The following MUC5AC variants were observed in gnomAD, a reference collection of about 807,000 sequenced individuals.
MUC5AC encodes the protein mucin 5AC, oligomeric mucus/gel-forming.
Under a neutral mutation model 169.7 loss-of-function variants are expected in MUC5AC, and 158 were observed. The observed-to-expected ratio is 0.93, with a 90% CI of 0.82 to 1.06. MUC5AC has a LOEUF of 1.06. Among genes scored for constraint, MUC5AC ranks in the 50% least tolerant of loss-of-function variants. MUC5AC has a pLI of 0.00. For missense variants in MUC5AC, 4,359 were observed against 3,089.9 expected (o/e 1.41, Z -9.74); for synonymous variants, 1,975 against 1,237.0 (o/e 1.60, Z -12.52).
Position 1,197,955 on chromosome 11 carries a change from C to G in MUC5AC, c.16086C>G (p.Arg5362=), listed in dbSNP as rs570022575. ...CCGTGGGCTGTCCTGAGGGCGCCCG[C>G]GCGATCCCGACCTACCAGGAGGGGG... ...PAPVGCPEGA[R]AIPTYQEGAC... The change falls in exon 42 of 49, where the codon CGC becomes CGG. Residue 5362 remains arginine, a synonymous_variant. Transcript: ENST00000621226. The G allele has an allele frequency of 2.2e-5, 16 of 736,998 alleles. No individual in the cohort carries two copies. The highest frequency in any genetic ancestry group is 5.8e-4 in the Middle Eastern group (2 of 3,424). The allele number at this position is 736,998 out of a possible 1,614,324, so 45.7% of individuals were successfully genotyped here. A position where few individuals can be genotyped will look rare whatever the true frequency, so the allele number is the denominator to read the frequency against.
At position 1,170,372 on chromosome 11, in the gene MUC5AC, C is replaced by T. The variant is rs1231498409; in HGVS notation, c.1870+1346C>T. On this transcript the variant is annotated intron_variant, in intron 15 of 48. Transcript: ENST00000621226. Reference sequence around the variant, plus strand: ...TTTGCCCACTCACTCACCTCACTCACGCGCCCACTCACCCACTCACCCATT... The same window carrying T: ...TTTGCCCACTCACTCACCTCACTCATGCGCCCACTCACCCACTCACCCATT... 1.2e-4 allele frequency among the ~76,000 whole-genome samples: 17 copies of T among 144,052 alleles called. 1 individual carries two copies. The South Asian group carries it at 1.9e-3, about 16-fold the overall frequency. The allele number at this position is 144,052 out of a possible 152,430, so 94.5% of individuals were successfully genotyped here. A position where few individuals can be genotyped will look rare whatever the true frequency, so the allele number is the denominator to read the frequency against.
At chr11:1,168,397 C>A in intron 12 of MUC5AC, 86 bp from the exon 13 acceptor site, 1 of 1,334,020 alleles carries the variant, frequency 7.5e-7, no homozygotes, top group East Asian at 2.5e-5. Flanking sequence ...GCCTCCTAGG[C>A]ACCTGCAGGC....
chr11:1,190,685 C>A lies in MUC5AC; in HGVS notation c.12540C>A (p.Ala4180=), dbSNP rs1288489611. 2 of 688,456 alleles carry A rather than the reference C, an allele frequency of 2.9e-6. No individual in the cohort carries two copies. The highest frequency in any genetic ancestry group is 4.1e-5 in the Admixed American group (2 of 48,846). The allele number at this position is 688,456 out of a possible 1,614,324, so 42.6% of individuals were successfully genotyped here. Residue 4180 remains alanine (A), a synonymous_variant, in exon 31 of 49, where the codon GCC becomes GCA. Coordinates refer to ENST00000621226, the MANE Select transcript of MUC5AC (RefSeq NM_001304359.2). The part of the protein sequence containing the change: ...NSAPTTSTIS[A]STTSTISAPT... ...CTCCTACAACCAGCACAATCTCTGCCTCTACAACCAGCACAATCTCTGCCC... is the reference window on the plus strand; with the variant it reads ...CTCCTACAACCAGCACAATCTCTGCATCTACAACCAGCACAATCTCTGCCC...
In MUC5AC at chr11:1,189,152, G is replaced by C. The variant is rs1861021617; in HGVS notation, c.11007G>C (p.Gln3669His). 1.7e-6 allele frequency: 1 copy of C among 590,384 alleles called. No individual in the cohort carries two copies. 36.6% of individuals were successfully genotyped at this position (590,384 alleles called of 1,614,324 possible). ...LVTSSITSTT[Q>H]TSTTSAPTTS... is the part of the protein sequence containing the mutation. ...CAAGCAGCATAACCTCCACTACACA[G>C]ACCAGCACAACCTCTGCCCCTACAA... is the stretch of plus-strand genomic sequence containing the variant. Residue 3669 changes from glutamine to histidine, a missense_variant, in exon 31 of 49, where the codon CAG (glutamine) becomes CAC (histidine). Gln to His is a conservative substitution (Grantham distance 24). Coordinates refer to ENST00000621226, the MANE Select transcript of MUC5AC (RefSeq NM_001304359.2).
Position 1,199,083 on chromosome 11 carries a change from G to A in MUC5AC, c.16297-4G>A, listed in dbSNP as rs767114898. ...TTCCAGCCACATGTCCATCCCTCCC[G>A]CAGGGCTTCGAGTACCAGGAGCAGA... On this transcript the variant is annotated splice_polypyrimidine_tract_variant and splice_region_variant and intron_variant, in intron 44 of 48. Coordinates refer to ENST00000621226, the MANE Select transcript of MUC5AC (RefSeq NM_001304359.2). The A allele has an allele frequency of 1.6e-5, 12 of 763,940 alleles. No homozygotes were observed. The highest frequency in any genetic ancestry group is 5.1e-5 in the African/African-American group (3 of 59,068). 47.3% of individuals were successfully genotyped at this position (763,940 alleles called of 1,614,324 possible). A position where few individuals can be genotyped will look rare whatever the true frequency, so the allele number is the denominator to read the frequency against.
At chr11:1,168,601 C>A in intron 13 of MUC5AC, 41 bp from the exon 14 acceptor site, 2 of 1,612,310 alleles carry the variant, frequency 1.2e-6, no homozygotes, top group Non-Finnish European at 1.7e-6. Flanking sequence ...GGGGTCCCGC[C>A]CCACAGCCCC....
Position 1,192,456 on chromosome 11 carries a change from G to T in MUC5AC, c.14311G>T (p.Ala4771Ser), listed in dbSNP as rs2133770036. The T allele has an allele frequency of 3.9e-6, 3 of 765,114 alleles. No homozygotes were observed. Among genetic ancestry groups the T allele is most frequent in the Non-Finnish European group, 7.2e-6 (3 of 417,880 alleles). 47.4% of individuals were successfully genotyped at this position (765,114 alleles called of 1,614,324 possible). The change falls in exon 31 of 49, where the codon GCA (alanine) becomes TCA (serine). Residue 4771 changes from alanine (A) to serine (S), a missense_variant. Coordinates refer to ENST00000621226, the MANE Select transcript of MUC5AC (RefSeq NM_001304359.2). ...ASTSVASSSV[A>S]SSSVAYSTQT... The stretch of plus-strand genomic sequence containing the variant: ...CACCTCTGTGGCATCCAGCTCTGTG[G>T]CATCCAGCTCTGTGGCTTACTCCAC...
rs1424139157 is a variant in MUC5AC at position 1,195,228 on chromosome 11, C to T, written c.15407C>T (p.Thr5136Ile). 1.3e-6 allele frequency: 1 copy of T among 764,788 alleles called. No individual in the cohort carries two copies. The highest frequency in any genetic ancestry group is 2.4e-6 in the Non-Finnish European group (1 of 417,780). The allele number at this position is 764,788 out of a possible 1,614,324, so 47.4% of individuals were successfully genotyped here. A position where few individuals can be genotyped will look rare whatever the true frequency, so the allele number is the denominator to read the frequency against. Residue 5136 changes from threonine to isoleucine, a missense_variant, in exon 36 of 49, where the codon ACA (threonine) becomes ATA (isoleucine). Thr to Ile is a moderately conservative substitution (Grantham distance 89, BLOSUM62 -1). Transcript: ENST00000621226. ...GGGTCTACCACGGTCGGGCCCACCA[C>T]ACCGCCTGCTCCGTGCCTGCCATCA... ...TVGSTTVGPT[T>I]PPAPCLPSPI...
Position 1,189,162 on chromosome 11 carries a change from ACC to A in MUC5AC, c.11018_11019del (p.Thr3673IlefsTer6). The A allele has an allele frequency of 1.7e-6, 1 of 595,418 alleles. No individual in the cohort carries two copies. 36.9% of individuals were successfully genotyped at this position (595,418 alleles called of 1,614,324 possible). ...SITSTTQTST[T>X]SAPTTSTTPA... ...AACCTCCACTACACAGACCAGCACA[ACC>A]TCTGCCCCTACAACTAGCACAACCC... On this transcript the variant is annotated frameshift_variant, in exon 31 of 49. Transcript: ENST00000621226. LOFTEE classifies it high-confidence loss of function.
At position 1,191,817 on chromosome 11, in the gene MUC5AC, A is replaced by G; in HGVS notation, c.13672A>G (p.Thr4558Ala). ...CACCACGAGCACAACCTCTGCTCCTACAACTAGCACAACCTCTGGTCCTGG... is the reference window on the plus strand; with the variant it reads ...CACCACGAGCACAACCTCTGCTCCTGCAACTAGCACAACCTCTGGTCCTGG... Reference protein sequence around the residue: ...VPTTSTTSAPTTSTTSGPGTT... With the variant: ...VPTTSTTSAPATSTTSGPGTT... The change falls in exon 31 of 49, where the codon ACA becomes GCA. Residue 4558 changes from threonine (T) to alanine (A), a missense_variant. Physicochemically the swap from Thr to Ala is moderately conservative, Grantham distance 58 (BLOSUM62 0). Transcript: ENST00000621226. The G allele has an allele frequency of 7.9e-6, 6 of 762,302 alleles. No homozygotes were observed. The highest frequency in any genetic ancestry group is 4.5e-4 in the Middle Eastern group (2 of 4,438). The allele number at this position is 762,302 out of a possible 1,614,324, so 47.2% of individuals were successfully genotyped here.
chr11:1,160,975 T>G (rs2133712992), intron 2 of MUC5AC, among the ~76,000 whole-genome samples: 2 of 152,316 alleles, frequency 1.3e-5, no homozygotes, highest in Admixed American at 1.3e-4. Context: ...CCTCCGGGGA[T>G]CTGGAGCTGG....
At chr11:1,194,065 G>A in intron 33 of MUC5AC, 45 bp from the exon 34 acceptor site, 1 of 757,308 alleles carries the variant, frequency 1.3e-6, no homozygotes, top group Non-Finnish European at 2.4e-6. Flanking sequence ...GGGCCATGGT[G>A]CCACCACCCG....
At position 1,182,882 on chromosome 11, in the gene MUC5AC, G is replaced by T. The variant is rs1468496760; in HGVS notation, c.4737G>T (p.Gln1579His). 1.3e-5 allele frequency: 5 copies of T among 398,642 alleles called. No individual in the cohort carries two copies. Among genetic ancestry groups the T allele is most frequent in the Non-Finnish European group, 2.2e-5 (5 of 226,102 alleles). 24.7% of individuals were successfully genotyped at this position (398,642 alleles called of 1,614,324 possible). A position where few individuals can be genotyped will look rare whatever the true frequency, so the allele number is the denominator to read the frequency against. The change falls in exon 31 of 49, where the codon CAG becomes CAT. Residue 1579 changes from glutamine to histidine, a missense_variant. Transcript: ENST00000621226. ...AGCCCAGCACATCCTCCTGCCTGCA[G>T]GAGCTTTGCACCTGGACCGAGTGGA... is the stretch of plus-strand genomic sequence containing the variant. ...PTEPSTSSCLQELCTWTEWID... is the reference protein window; with the variant it reads ...PTEPSTSSCLHELCTWTEWID...
intron 2 of MUC5AC, 47 bp from the exon 3 acceptor site, chr11:1,161,479 GC>G: frequency 6.8e-7 from 1 of 1,476,472 alleles, no homozygotes. Context: ...CGGAGCCCCC[GC>G]CCCACGTGGG....
At chr11:1,165,149 TC>T (rs1860283505) in intron 9 of MUC5AC, among the ~76,000 whole-genome samples, 152 bp from the exon 10 acceptor site, 1 of 147,708 alleles carries the variant, frequency 6.8e-6, no homozygotes, top group Admixed American at 6.7e-5. Flanking sequence ...GATGCCCCTG[TC>T]CCGGGCCCCT....
intron 8 of MUC5AC, 30 bp downstream of exon 8, chr11:1,164,349 C>A: frequency 6.2e-7 from 1 of 1,611,988 alleles, no homozygotes. Context: ...GTCCCCCAAC[C>A]CCTTTGGCAG....
chr11:1,174,598 G>A lies in MUC5AC; in HGVS notation c.2068G>A (p.Gly690Ser), dbSNP rs903731533. The A allele has an allele frequency of 1.7e-4, 234 of 1,370,036 alleles. 4 individuals carry two copies. In the South Asian group the frequency reaches 2.6e-3, roughly 15 times the overall value. 84.9% of individuals were successfully genotyped at this position (1,370,036 alleles called of 1,614,324 possible). A position where few individuals can be genotyped will look rare whatever the true frequency, so the allele number is the denominator to read the frequency against. Reference protein sequence around the residue: ...HACAAKGVQLGGWRDGVCTKP... With the variant: ...HACAAKGVQLSGWRDGVCTKP... ...CTGTGCCGCCAAGGGCGTGCAGCTC[G>A]GCGGCTGGAGGGACGGCGTCTGCAG... Residue 690 changes from glycine (G) to serine (S), a missense_variant, in exon 17 of 49, where the codon GGC (glycine) becomes AGC (serine). Physicochemically the swap from Gly to Ser is moderately conservative, Grantham distance 56 (BLOSUM62 0). Transcript: ENST00000621226.
At chr11:1,177,739 A>C in intron 24 of MUC5AC, 106 bp downstream of exon 24, 94 of 306,898 alleles carry the variant, frequency 3.1e-4, no homozygotes, top group Middle Eastern at 9.2e-4. Flanking sequence ...AGAGAGAAAC[A>C]CAGAGATGGA....
intron 26 of MUC5AC, among the ~76,000 whole-genome samples, chr11:1,179,805 C>G (rs1209176767): frequency 6.6e-6 from 1 of 152,180 alleles, no homozygotes; most frequent in Non-Finnish European, 1.5e-5. Context: ...GGAACGGGCA[C>G]TGCTGGATCT....
Sources: allele counts gnomAD v4.1 joint callset (sites outside exome capture counted in the v4.1 genomes callset), GRCh38; gene constraint gnomAD v4.1.1; transcripts MANE v1.5; gene names NCBI Gene and HGNC (gene_info 2026-07-23, HGNC 2026-07-21).